The following ADGRL2 variants were observed in gnomAD, a reference collection of about 807,000 sequenced individuals.
ADGRL2 encodes the protein calcium-independent alpha-latrotoxin receptor 2.
A neutral mutation model predicts 157.4 loss-of-function variants in ADGRL2; 44 were observed. The observed-to-expected ratio is 0.28, with a 90% CI of 0.22 to 0.36. The LOEUF (loss-of-function observed/expected upper bound fraction) is 0.36. Among genes scored for constraint, ADGRL2 ranks in the 10% least tolerant of loss-of-function variants. The probability of loss-of-function intolerance (pLI) is 1.00; values close to 1 mark genes in which losing one functional copy is unlikely to be tolerated. For missense variants in ADGRL2, 1,510 were observed against 1,768.9 expected (o/e 0.85, Z 2.63); for synonymous variants, 585 against 624.7 (o/e 0.94, Z 0.95).
At chr1:81,381,725 G>A (rs578054703) in intron 1 of ADGRL2, among the ~76,000 whole-genome samples, 1 of 152,144 alleles carries the variant, frequency 6.6e-6, no homozygotes, top group African/African-American at 2.4e-5. Flanking sequence ...TTGATGAATA[G>A]ATTTTATAAT....
At position 81,333,963 on chromosome 1, in the gene ADGRL2, A is replaced by G. The variant is rs111870730; in HGVS notation, c.-302+27454A>G. ...TGGTAACTTCATTCAATTTACTTTG[A>G]TAAGAGTTTGCTCTCAATCTCAGCC... is the stretch of plus-strand genomic sequence containing the variant. On this transcript the variant is annotated intron_variant, in intron 1 of 24. Coordinates refer to the ADGRL2 transcript ENST00000370721. Among the ~76,000 whole-genome samples the G allele has an allele frequency of 2.0e-4, 30 of 152,284 alleles. 1 individual carries two copies. The highest frequency in any genetic ancestry group is 6.7e-4 in the African/African-American group (28 of 41,560).
Position 81,353,493 on chromosome 1 carries a change from C to T in ADGRL2, c.-302+46984C>T, listed in dbSNP as rs115463142. Among the ~76,000 whole-genome samples, 1,007 of 152,108 alleles carry T rather than the reference C, an allele frequency of 6.6e-3. 9 individuals carry two copies. The highest frequency in any genetic ancestry group is 0.023 in the African/African-American group (941 of 41,480). On this transcript the variant is annotated intron_variant, in intron 1 of 24. Transcript: ENST00000370721. The stretch of plus-strand genomic sequence containing the variant: ...AGATGCAGATTCAGGGGCTCCACTA[C>T]GGCTGCAAATGAGAATTTCAGGGAT...
chr1:81,720,119 G>A (rs911889948), intron 1 of ADGRL2, among the ~76,000 whole-genome samples: 3 of 151,048 alleles, frequency 2.0e-5, no homozygotes, highest in Non-Finnish European at 2.9e-5. Context: ...TCGTATTACA[G>A]ACATTTTAAA....
intron 3 of ADGRL2, among the ~76,000 whole-genome samples, chr1:81,683,878 G>T (rs996935076): frequency 6.6e-6 from 1 of 151,840 alleles, no homozygotes; most frequent in Non-Finnish European, 1.5e-5. Context: ...GTGCAGTGGC[G>T]CAATCTCGGC....
intron 1 of ADGRL2, among the ~76,000 whole-genome samples, chr1:81,802,813 T>TTTGAGGGTTGCTGTTCC (rs1553156375): frequency 6.6e-6 from 1 of 151,898 alleles, no homozygotes; most frequent in Admixed American, 6.6e-5. Context: ...TGGACGAGTT[T>TTTGAGGGTTGCTGTTCC]TTGAGGGTTG....
At chr1:81,820,140 C>A (rs1359251722) in intron 1 of ADGRL2, among the ~76,000 whole-genome samples, 1 of 152,170 alleles carries the variant, frequency 6.6e-6, no homozygotes, top group Non-Finnish European at 1.5e-5. Context: ...CAACCCTGAA[C>A]AACAACCCAA....
intron 3 of ADGRL2, among the ~76,000 whole-genome samples, chr1:81,688,881 C>T (rs2083280135): frequency 6.6e-6 from 1 of 152,166 alleles, no homozygotes; most frequent in African/African-American, 2.4e-5. Flanking sequence ...GTAGTACTCT[C>T]CCTCTTTTCC....
At chr1:81,404,681 A>G (rs2101324155) in intron 1 of ADGRL2, among the ~76,000 whole-genome samples, 1 of 152,298 alleles carries the variant, frequency 6.6e-6, no homozygotes, top group African/African-American at 2.4e-5. Flanking sequence ...TTTTTAATCC[A>G]TATTCAGGTG....
chr1:81,835,997 A>G (rs1430419253), intron 1 of ADGRL2, among the ~76,000 whole-genome samples: 8 of 152,138 alleles, frequency 5.3e-5, no homozygotes, highest in Admixed American at 4.6e-4. Context: ...GATAAGCTAC[A>G]TGAAGCATGT....
intron 3 of ADGRL2, among the ~76,000 whole-genome samples, chr1:81,914,983 A>C (rs955695560): frequency 3.9e-5 from 6 of 152,198 alleles, no homozygotes; most frequent in South Asian, 2.1e-4. Flanking sequence ...AAGACTAATA[A>C]ATTTTGAAAT....
At chr1:81,638,265 C>T (rs963121684) in intron 3 of ADGRL2, among the ~76,000 whole-genome samples, 7 of 152,172 alleles carry the variant, frequency 4.6e-5, no homozygotes, top group African/African-American at 1.7e-4. Flanking sequence ...ACCATTAGAC[C>T]TGCCTTGCAA....
At chr1:81,663,376 C>A (rs890032938) in intron 3 of ADGRL2, among the ~76,000 whole-genome samples, 3 of 152,140 alleles carry the variant, frequency 2.0e-5, no homozygotes, top group Admixed American at 2.0e-4. Flanking sequence ...ATCCATACAC[C>A]TCTCGCCTAC....
At chr1:81,879,681 T>A (rs1043046793) in intron 2 of ADGRL2, among the ~76,000 whole-genome samples, 17 of 152,172 alleles carry the variant, frequency 1.1e-4, no homozygotes, top group African/African-American at 3.6e-4. Flanking sequence ...GCATTCCTCC[T>A]AATTACTAGC....
At chr1:81,441,036 C>A (rs899552135) in intron 1 of ADGRL2, among the ~76,000 whole-genome samples, 9 of 152,168 alleles carry the variant, frequency 5.9e-5, no homozygotes, top group African/African-American at 2.2e-4. Flanking sequence ...CTCTCCCTCT[C>A]TCAATCCCTG....
chr1:81,839,710 T>A (rs561090707), intron 2 of ADGRL2, among the ~76,000 whole-genome samples: 6 of 150,910 alleles, frequency 4.0e-5, no homozygotes, highest in African/African-American at 1.2e-4. Flanking sequence ...TGCTGTTAAT[T>A]CATTCCTTTT....
At chr1:81,342,691 A>G (rs1662161426) in intron 1 of ADGRL2, among the ~76,000 whole-genome samples, 1 of 152,178 alleles carries the variant, frequency 6.6e-6, no homozygotes, top group African/African-American at 2.4e-5. Context: ...ATTAATACAC[A>G]TATTAAGTAT....
At chr1:81,412,592 G>A (rs1389665032) in intron 1 of ADGRL2, among the ~76,000 whole-genome samples, 1 of 152,194 alleles carries the variant, frequency 6.6e-6, no homozygotes. Flanking sequence ...TGGGGGAAGA[G>A]ACTCCATCTT....
intron 3 of ADGRL2, among the ~76,000 whole-genome samples, chr1:81,915,322 C>T (rs1350181648): frequency 6.6e-6 from 1 of 152,124 alleles, no homozygotes; most frequent in African/African-American, 2.4e-5. Flanking sequence ...CCAAGAGATC[C>T]GCCTGCCTCA....
At chr1:81,769,863 CT>C (rs964782418) in intron 2 of ADGRL2, among the ~76,000 whole-genome samples, 10 of 148,700 alleles carry the variant, frequency 6.7e-5, no homozygotes, top group Middle Eastern at 3.4e-3. Flanking sequence ...TTTTCCTTTT[CT>C]TTTTTTTTTC....
Sources: gnomAD v4.1 joint callset for allele counts (sites outside exome capture counted in the v4.1 genomes callset) on GRCh38, gnomAD v4.1.1 for gene constraint, MANE v1.5 for transcripts, NCBI Gene and HGNC (gene_info 2026-07-23, HGNC 2026-07-21) for gene names.